Variants in KPNA1 observed in about 807,000 individuals in gnomAD.
KPNA1 encodes the protein importin subunit alpha-5.
A neutral mutation model predicts 70.5 loss-of-function variants in KPNA1; 10 were observed. That is an observed-to-expected ratio of 0.14 (90% CI 0.09 to 0.24). The LOEUF (loss-of-function observed/expected upper bound fraction) is 0.24, where lower values mean the gene tolerates loss of function less well. Among genes scored for constraint, KPNA1 ranks in the 10% least tolerant of loss-of-function variants. The pLI is 1.00. For missense variants in KPNA1, 397 were observed against 637.9 expected, an observed-to-expected ratio of 0.62 and a Z score of 4.07; for synonymous variants, 192 against 221.9, an observed-to-expected ratio of 0.87 and a Z score of 1.20.
At chr3:122,445,248 C>T (rs764119821) in intron 9 of KPNA1, among the ~76,000 whole-genome samples, 10 of 152,044 alleles carry the variant, frequency 6.6e-5, no homozygotes, top group South Asian at 4.1e-4. Context: ...ACAAGAACTT[C>T]GTGACGTATG....
intron 5 of KPNA1, chr3:122,459,347 C>G (rs1346083345): frequency 3.4e-6 from 3 of 871,966 alleles, no homozygotes; most frequent in Non-Finnish European, 4.1e-6. Flanking sequence ...ACCGCCAGAT[C>G]AAGGAGTAAA....
chr3:122,485,760 A>G (rs76114426), intron 2 of KPNA1, among the ~76,000 whole-genome samples: 1,850 of 152,356 alleles, frequency 0.012, 32 homozygotes, highest in African/African-American at 0.043. Flanking sequence ...TGTATTACAT[A>G]AGTCAAAATT....
At position 122,426,849 on chromosome 3, in the gene KPNA1, G is replaced by A. The variant is rs1009501844; in HGVS notation, c.*136C>T. The stretch of plus-strand genomic sequence containing the variant: ...CAGATGTGTGTAAGAGAGCAGGTGC[G>A]CAAGGCAAGCAAATGAGCGCAAACA... On this transcript the variant is annotated 3_prime_UTR_variant, in exon 14 of 14. Transcript: ENST00000344337. The A allele has an allele frequency of 1.2e-5, 8 of 643,850 alleles. No individual in the cohort carries two copies. Among genetic ancestry groups the A allele is most frequent in the Non-Finnish European group, 2.1e-5 (8 of 381,958 alleles). The allele number at this position is 643,850 out of a possible 1,614,324, so 39.9% of individuals were successfully genotyped here.
intron 2 of KPNA1, among the ~76,000 whole-genome samples, chr3:122,487,409 G>A (rs1009530205): frequency 2.6e-5 from 4 of 152,206 alleles, no homozygotes; most frequent in African/African-American, 9.6e-5. Flanking sequence ...CCACTTACGT[G>A]TATATGTCCA....
chr3:122,452,159 G>C, intron 6 of KPNA1, 95 bp from the exon 7 acceptor site: 1 of 810,530 alleles, frequency 1.2e-6, no homozygotes, highest in African/African-American at 1.7e-5. Flanking sequence ...GTTCATCAGG[G>C]AGTCAAATGA....
At chr3:122,463,129 A>T (rs1350809490) in intron 4 of KPNA1, among the ~76,000 whole-genome samples, 2 of 152,132 alleles carry the variant, frequency 1.3e-5, no homozygotes. Flanking sequence ...AGGCAGGAGG[A>T]TCACAAGGTC....
intron 2 of KPNA1, among the ~76,000 whole-genome samples, chr3:122,483,908 G>A (rs1040954531): frequency 6.6e-5 from 10 of 152,084 alleles, no homozygotes; most frequent in Admixed American, 6.6e-4. Context: ...ATGGCAATAT[G>A]GAATCACAGT....
chr3:122,439,006 TAA>T (rs2076027281), intron 10 of KPNA1, among the ~76,000 whole-genome samples: 1 of 152,176 alleles, frequency 6.6e-6, no homozygotes, highest in African/African-American at 2.4e-5. Flanking sequence ...ACTAAAATTT[TAA>T]TAGAAAATTA....
intron 1 of KPNA1, among the ~76,000 whole-genome samples, chr3:122,502,449 A>G (rs1316033401): frequency 6.6e-6 from 1 of 152,232 alleles, no homozygotes; most frequent in African/African-American, 2.4e-5. Flanking sequence ...AGGCTACATA[A>G]GAAGACAAGA....
chr3:122,421,924 T>C lies in KPNA1; in HGVS notation c.*5061A>G, dbSNP rs1018967728. 6 of 152,258 alleles carry C rather than the reference T, an allele frequency of 3.9e-5. No individual in the cohort carries two copies. Among genetic ancestry groups the C allele is most frequent in the African/African-American group, 1.4e-4 (6 of 41,468 alleles). 9.4% of individuals were successfully genotyped at this position (152,258 alleles called of 1,614,324 possible). On this transcript the variant is annotated 3_prime_UTR_variant, in exon 14 of 14. Coordinates refer to ENST00000344337, the MANE Select transcript of KPNA1 (RefSeq NM_002264.4). ...GAATTTTCTTTTATCAAGCACCCTT[T>C]ACTAACATCACAAAGATGCATGCAT... is the stretch of plus-strand genomic sequence containing the variant.
At chr3:122,449,424 C>A (rs1045144552) in intron 9 of KPNA1, 150 bp downstream of exon 9, 43 of 625,234 alleles carry the variant, frequency 6.9e-5, no homozygotes, top group Admixed American at 1.0e-4. Context: ...ACAAACAGAT[C>A]TGACATCAAA....
intron 9 of KPNA1, among the ~76,000 whole-genome samples, chr3:122,447,908 A>G (rs1012002002): frequency 6.6e-6 from 1 of 152,054 alleles, no homozygotes; most frequent in Non-Finnish European, 1.5e-5. Flanking sequence ...AAGTACTTAA[A>G]CTAATTTACA....
At chr3:122,448,242 C>A (rs923821280) in intron 9 of KPNA1, among the ~76,000 whole-genome samples, 1 of 152,160 alleles carries the variant, frequency 6.6e-6, no homozygotes, top group African/African-American at 2.4e-5. Context: ...AGCCATCCCA[C>A]TACTGGGTAT....
At chr3:122,442,218 A>G in intron 9 of KPNA1, 102 bp from the exon 10 acceptor site, 2 of 887,152 alleles carry the variant, frequency 2.3e-6, no homozygotes, top group Non-Finnish European at 3.7e-6. Flanking sequence ...ATAGAATTTT[A>G]GAGCAGAAAT....
chr3:122,448,925 T>C (rs1339181943), intron 9 of KPNA1, among the ~76,000 whole-genome samples: 1 of 152,226 alleles, frequency 6.6e-6, no homozygotes, highest in Non-Finnish European at 1.5e-5. Flanking sequence ...CCTGCTATAA[T>C]CCCAGAGTTT....
intron 2 of KPNA1, among the ~76,000 whole-genome samples, chr3:122,476,116 C>G (rs1321813251): frequency 6.6e-6 from 1 of 152,140 alleles, no homozygotes; most frequent in African/African-American, 2.4e-5. Context: ...ATAGAATAAA[C>G]AGCCCAGAAA....
In KPNA1 at chr3:122,474,177, A is replaced by G. The variant is rs1168227888; in HGVS notation, c.130-6748T>C. On this transcript the variant is annotated intron_variant, in intron 2 of 13. Coordinates refer to ENST00000344337, the MANE Select transcript of KPNA1 (RefSeq NM_002264.4). ...ACGAGATTTCTATGAGGAAAACTAC[A>G]AAACTCTGATGAAACAAATCAAAGA... 3.9e-5 allele frequency among the ~76,000 whole-genome samples: 6 copies of G among 152,326 alleles called. No homozygotes were observed. The East Asian group carries it at 1.2e-3, about 29-fold the overall frequency.
At position 122,426,759 on chromosome 3, in the gene KPNA1, G is replaced by C. The variant is rs1385283004; in HGVS notation, c.*226C>G. On this transcript the variant is annotated 3_prime_UTR_variant, in exon 14 of 14. Transcript: ENST00000344337. ...AGCCTAGGGATTTTTCCGTAAAAGA[G>C]AGTGGGCCGTTCTGGTTACCCTTTT... is the stretch of plus-strand genomic sequence containing the variant. 1 of 430,838 alleles carries C rather than the reference G, an allele frequency of 2.3e-6. No homozygotes were observed. 26.7% of individuals were successfully genotyped at this position (430,838 alleles called of 1,614,324 possible).
At chr3:122,449,901 A>C (rs1379496814) in intron 8 of KPNA1, among the ~76,000 whole-genome samples, 164 bp from the exon 9 acceptor site, 3 of 152,234 alleles carry the variant, frequency 2.0e-5, no homozygotes, top group Non-Finnish European at 4.4e-5. Flanking sequence ...ATCTTTGGCA[A>C]TGTTGTCAGT....
Sources: allele counts gnomAD v4.1 joint callset (sites outside exome capture counted in the v4.1 genomes callset), GRCh38; gene constraint gnomAD v4.1.1; transcripts MANE v1.5; gene names NCBI Gene and HGNC (gene_info 2026-07-23, HGNC 2026-07-21).